PARPBP: variants seen among roughly 807,000 people sequenced by gnomAD.
PARPBP encodes PARP1 binding protein, also known as PCNA-interacting partner.
In PARPBP, 52 loss-of-function variants were observed where a neutral mutation model predicts 50.0. The observed-to-expected ratio is 1.04, with a 90% CI of 0.83 to 1.31. The LOEUF is 1.31. Ranked by LOEUF, PARPBP falls within the 50% of genes most tolerant of loss-of-function variation. PARPBP has a pLI of 0.00. For missense variants in PARPBP, 697 were observed against 672.0 expected (o/e 1.04, Z -0.41); for synonymous variants, 244 against 232.1 (o/e 1.05, Z -0.47).
chr12:102,123,283 AACTGG>A (rs1881442653), intron 1 of PARPBP, among the ~76,000 whole-genome samples: 1 of 152,206 alleles, frequency 6.6e-6, no homozygotes, highest in South Asian at 2.1e-4. Flanking sequence ...TAAGCTCCCA[AACTGG>A]ACTCCAGCTT....
At chr12:102,137,869 G>A (rs566170741) in intron 2 of PARPBP, among the ~76,000 whole-genome samples, 1 of 152,302 alleles carries the variant, frequency 6.6e-6, no homozygotes, top group Non-Finnish European at 1.5e-5. Context: ...ATTCCATGGT[G>A]TATATGTGCC....
Position 102,196,898 on chromosome 12 carries a change from C to G in PARPBP, c.*607C>G, listed in dbSNP as rs1274812493. On this transcript the variant is annotated 3_prime_UTR_variant, in exon 11 of 11. Coordinates refer to ENST00000327680, the MANE Select transcript of PARPBP (RefSeq NM_017915.5). ...TTATTTGATTTTGTTATGATTGCAT[C>G]CAAATTCACTTTAACTCAGAGTTCT... 16 of 1,307,028 alleles carry G rather than the reference C, an allele frequency of 1.2e-5. No individual in the cohort carries two copies. The East Asian group carries it at 3.5e-4, about 29-fold the overall frequency. The allele number at this position is 1,307,028 out of a possible 1,614,324, so 81.0% of individuals were successfully genotyped here.
At chr12:102,154,233 G>A (rs1886587408) in intron 4 of PARPBP, among the ~76,000 whole-genome samples, 1 of 152,130 alleles carries the variant, frequency 6.6e-6, no homozygotes, top group African/African-American at 2.4e-5. Flanking sequence ...AGTAATTGAA[G>A]GTCCAGTTTG....
intron 4 of PARPBP, among the ~76,000 whole-genome samples, chr12:102,160,843 G>A (rs1278769903): frequency 6.6e-6 from 1 of 152,000 alleles, no homozygotes; most frequent in Admixed American, 6.5e-5. Flanking sequence ...AGCTACTTGG[G>A]AGGCTGAGGC....
intron 6 of PARPBP, among the ~76,000 whole-genome samples, chr12:102,174,428 G>C (rs1247112728): frequency 6.6e-6 from 1 of 152,144 alleles, no homozygotes; most frequent in Non-Finnish European, 1.5e-5. Flanking sequence ...TAGGGAACCT[G>C]GCATTTCTGT....
intron 9 of PARPBP, among the ~76,000 whole-genome samples, chr12:102,182,941 A>G (rs1222798123): frequency 6.6e-6 from 1 of 152,204 alleles, no homozygotes; most frequent in African/African-American, 2.4e-5. Flanking sequence ...AGGCTTTCTC[A>G]TTTACATTTC....
At chr12:102,190,648 TG>T (rs1180782105) in intron 9 of PARPBP, among the ~76,000 whole-genome samples, 1 of 152,090 alleles carries the variant, frequency 6.6e-6, no homozygotes, top group East Asian at 1.9e-4. Context: ...CATGGTTTCC[TG>T]GTGAGCATGT....
chr12:102,177,665 C>T (rs188944289), intron 7 of PARPBP, among the ~76,000 whole-genome samples: 16 of 152,160 alleles, frequency 1.1e-4, no homozygotes, highest in African/African-American at 3.6e-4. Flanking sequence ...TGATAACATT[C>T]GTATCTCACA....
At chr12:102,162,954 A>G (rs1345723837) in intron 4 of PARPBP, among the ~76,000 whole-genome samples, 9 of 151,926 alleles carry the variant, frequency 5.9e-5, no homozygotes, top group African/African-American at 9.7e-5. Context: ...ATTTTCTATT[A>G]TGTTTTCTTT....
intron 2 of PARPBP, among the ~76,000 whole-genome samples, chr12:102,125,731 A>G (rs952512059): frequency 6.6e-6 from 1 of 152,220 alleles, no homozygotes; most frequent in African/African-American, 2.4e-5. Flanking sequence ...TCCTGCCATC[A>G]TGAAACATAT....
chr12:102,193,211 GA>G (rs1172096424), intron 9 of PARPBP, among the ~76,000 whole-genome samples: 1 of 151,778 alleles, frequency 6.6e-6, no homozygotes, highest in Non-Finnish European at 1.5e-5. Context: ...AGCAAGCAAA[GA>G]TTTTTTTACC....
At chr12:102,150,924 C>G (rs555081737) in intron 3 of PARPBP, among the ~76,000 whole-genome samples, 10 of 152,312 alleles carry the variant, frequency 6.6e-5, no homozygotes, top group Admixed American at 6.5e-4. Context: ...TTAGCCTCAG[C>G]AGATGACTGG....
intron 2 of PARPBP, among the ~76,000 whole-genome samples, chr12:102,143,957 T>G (rs1484382488): frequency 6.6e-6 from 1 of 152,102 alleles, no homozygotes; most frequent in East Asian, 1.9e-4. Context: ...TAAAATTGTA[T>G]TGCATTTTAT....
chr12:102,162,019 A>C (rs999279142), intron 4 of PARPBP, among the ~76,000 whole-genome samples: 9 of 152,286 alleles, frequency 5.9e-5, no homozygotes, highest in South Asian at 4.1e-4. Flanking sequence ...CTGTCCAGTG[A>C]AGTTTTTCTT....
At chr12:102,169,028 C>T (rs1888426841) in intron 6 of PARPBP, among the ~76,000 whole-genome samples, 2 of 152,092 alleles carry the variant, frequency 1.3e-5, no homozygotes, top group South Asian at 4.1e-4. Flanking sequence ...TGGTTTTCTT[C>T]ACCAATATTC....
At chr12:102,184,340 T>C (rs951366821) in intron 9 of PARPBP, among the ~76,000 whole-genome samples, 1 of 152,136 alleles carries the variant, frequency 6.6e-6, no homozygotes, top group Non-Finnish European at 1.5e-5. Flanking sequence ...AACAATCCAA[T>C]TGGATTTTCT....
chr12:102,186,828 C>T (rs1248191442), intron 9 of PARPBP, among the ~76,000 whole-genome samples: 1 of 152,040 alleles, frequency 6.6e-6, no homozygotes, highest in Non-Finnish European at 1.5e-5. Context: ...GTGTGCTAAT[C>T]AGGAAAATAC....
chr12:102,187,101 A>G (rs1007496651), intron 9 of PARPBP, among the ~76,000 whole-genome samples: 1 of 152,180 alleles, frequency 6.6e-6, no homozygotes, highest in African/African-American at 2.4e-5. Flanking sequence ...TGATACTTGA[A>G]ATGAGTACAA....
intron 7 of PARPBP, among the ~76,000 whole-genome samples, chr12:102,178,231 C>G (rs750684331): frequency 2.2e-4 from 33 of 152,178 alleles, no homozygotes; most frequent in Non-Finnish European, 4.4e-4. Flanking sequence ...TTCAGATAGC[C>G]AGAACCTCAT....
Sources: allele counts gnomAD v4.1 joint callset (sites outside exome capture counted in the v4.1 genomes callset), GRCh38; gene constraint gnomAD v4.1.1; transcripts MANE v1.5; gene names NCBI Gene and HGNC (gene_info 2026-07-23, HGNC 2026-07-21).